MTUS1: variants seen among roughly 807,000 people sequenced by gnomAD.
MTUS1 encodes microtubule associated scaffold protein 1.
A neutral mutation model predicts 120.8 loss-of-function variants in MTUS1; 109 were observed. The ratio of observed to expected loss-of-function variants is 0.90; its 90% confidence interval spans 0.77 to 1.06. MTUS1 has a LOEUF of 1.06. MTUS1 is among the 50% of genes least tolerant of loss of function. The pLI, the probability that MTUS1 is intolerant of heterozygous loss-of-function variation, is 0.00. For synonymous variants in MTUS1, 737 were observed against 550.5 expected (o/e 1.34, Z -4.74); for missense variants, 2,210 against 1,486.3 (o/e 1.49, Z -8.01).
At chr8:17,760,752 A>G (rs1319368426) in intron 1 of MTUS1, among the ~76,000 whole-genome samples, 3 of 151,796 alleles carry the variant, frequency 2.0e-5, no homozygotes, top group African/African-American at 7.3e-5. Flanking sequence ...AAATATTTTG[A>G]TTAAACAAGA....
At chr8:17,742,758 G>T (rs2047436332) in intron 3 of MTUS1, among the ~76,000 whole-genome samples, 1 of 152,164 alleles carries the variant, frequency 6.6e-6, no homozygotes, top group South Asian at 2.1e-4. Flanking sequence ...ATACTAAATT[G>T]TAGAGAGGTA....
chr8:17,759,688 C>T (rs2048889426), intron 1 of MTUS1, among the ~76,000 whole-genome samples: 1 of 148,878 alleles, frequency 6.7e-6, no homozygotes, highest in African/African-American at 2.5e-5. Context: ...CTGAGTTTTG[C>T]TTTTAAGACT....
chr8:17,793,999 C>T (rs935015170), intron 1 of MTUS1, among the ~76,000 whole-genome samples: 1 of 152,020 alleles, frequency 6.6e-6, no homozygotes, highest in Admixed American at 6.6e-5. Flanking sequence ...GTGTTTGGCC[C>T]ATAGAAAGTG....
At chr8:17,787,714 T>G (rs1000504106) in intron 1 of MTUS1, among the ~76,000 whole-genome samples, 1 of 152,212 alleles carries the variant, frequency 6.6e-6, no homozygotes, top group Non-Finnish European at 1.5e-5. Flanking sequence ...TTTGGAAACT[T>G]TCTAATACAC....
chr8:17,753,936 T>C lies in MTUS1; in HGVS notation c.1872A>G (p.Ala624=), dbSNP rs771511304. 5.1e-5 allele frequency: 82 copies of C among 1,614,206 alleles called. No homozygotes were observed. The South Asian group carries it at 8.0e-4, about 16-fold the overall frequency. The change falls in exon 2 of 15, where the codon GCA becomes GCG. Residue 624 remains alanine, a synonymous_variant. Coordinates refer to ENST00000693296, the MANE Select transcript of MTUS1 (RefSeq NM_001363059.2). The part of the protein sequence containing the change: ...DVDKASSSNS[A]CETGSVSALF... ...ACGCAGAAACGGACCCGGTCTCGCATGCTGAGTTAGAAGAACTGGCTTTGT... is the reference window on the plus strand; with the variant it reads ...ACGCAGAAACGGACCCGGTCTCGCACGCTGAGTTAGAAGAACTGGCTTTGT...
intron 6 of MTUS1, among the ~76,000 whole-genome samples, chr8:17,693,489 G>C (rs537135202): frequency 2.8e-4 from 43 of 152,254 alleles, no homozygotes; most frequent in South Asian, 1.7e-3. Context: ...GCTTATTCTG[G>C]CCGGATCTCT....
At chr8:17,650,413 GTGTT>G (rs956982215) in intron 12 of MTUS1, among the ~76,000 whole-genome samples, 8 of 152,186 alleles carry the variant, frequency 5.3e-5, no homozygotes, top group Admixed American at 1.3e-4. Flanking sequence ...AATGTCCTGA[GTGTT>G]TGGATTTTTG....
intron 3 of MTUS1, among the ~76,000 whole-genome samples, chr8:17,735,619 C>A (rs923266708): frequency 2.0e-5 from 3 of 152,242 alleles, no homozygotes; most frequent in Non-Finnish European, 4.4e-5. Context: ...CCTCTGCTGG[C>A]AAGCTCCTGC....
chr8:17,685,392 C>G (rs1008488268), intron 6 of MTUS1, among the ~76,000 whole-genome samples: 1 of 151,448 alleles, frequency 6.6e-6, no homozygotes, highest in Non-Finnish European at 1.5e-5. Context: ...ATTGGAAAAA[C>G]AGGACATCAA....
rs1810239448 is a variant in MTUS1, at chr8:17,663,574, T to C, written c.2906-7509A>G. Among the ~76,000 whole-genome samples, 5 of 149,934 alleles carry C rather than the reference T, an allele frequency of 3.3e-5. No individual in the cohort carries two copies. In the South Asian group the frequency reaches 1.1e-3, roughly 32 times the overall value. On this transcript the variant is annotated intron_variant, in intron 8 of 14. Coordinates refer to ENST00000693296, the MANE Select transcript of MTUS1 (RefSeq NM_001363059.2). ...TCACTTGAGCAAATTACTTAAACTT[T>C]CTAAGCCTACTTTTTGTTTTGTTTT...
chr8:17,763,367 G>A (rs1379470433), intron 1 of MTUS1, among the ~76,000 whole-genome samples: 2 of 152,150 alleles, frequency 1.3e-5, no homozygotes, highest in Non-Finnish European at 2.9e-5. Context: ...CTGCTCTCAA[G>A]ACAGCTCATA....
At chr8:17,780,370 C>G (rs1045844470) in intron 1 of MTUS1, among the ~76,000 whole-genome samples, 10 of 152,190 alleles carry the variant, frequency 6.6e-5, no homozygotes, top group African/African-American at 2.4e-4. Flanking sequence ...TTTCTTTATA[C>G]ATTACCCAGC....
chr8:17,720,135 A>G (rs926341642), intron 4 of MTUS1, among the ~76,000 whole-genome samples: 2 of 152,156 alleles, frequency 1.3e-5, no homozygotes, highest in Non-Finnish European at 2.9e-5. Flanking sequence ...ACTTGTGGTT[A>G]GGAGTTCGAG....
At chr8:17,741,831 C>A (rs992461018) in intron 3 of MTUS1, among the ~76,000 whole-genome samples, 7 of 152,170 alleles carry the variant, frequency 4.6e-5, no homozygotes, top group Non-Finnish European at 7.3e-5. Context: ...AAGGTAAGGG[C>A]TGTAAAAGCT....
At chr8:17,651,835 T>A (rs1464167061) in intron 12 of MTUS1, 1 of 152,208 alleles carries the variant, frequency 6.6e-6, no homozygotes, top group Non-Finnish European at 1.5e-5. Context: ...TACCGGAAGC[T>A]CTTTCAAACC....
chr8:17,767,345 T>C lies in MTUS1; in HGVS notation c.-154-11384A>G, dbSNP rs184321601. Among the ~76,000 whole-genome samples the C allele has an allele frequency of 2.4e-3, 369 of 152,032 alleles. 1 individual carries two copies. The highest frequency in any genetic ancestry group is 8.6e-3 in the African/African-American group (355 of 41,440). On this transcript the variant is annotated intron_variant, in intron 1 of 14. Transcript: ENST00000693296. ...GGGCCAATTTTGATATATGAATGTATTGTTTTTCCATGTGGTGATTAAAGC... is the reference window on the plus strand; with the variant it reads ...GGGCCAATTTTGATATATGAATGTACTGTTTTTCCATGTGGTGATTAAAGC...
chr8:17,791,321 A>C (rs1042511519), intron 1 of MTUS1, among the ~76,000 whole-genome samples: 3 of 152,250 alleles, frequency 2.0e-5, no homozygotes, highest in Non-Finnish European at 4.4e-5. Flanking sequence ...ACTATGCTTA[A>C]AAGATGAAAA....
intron 1 of MTUS1, among the ~76,000 whole-genome samples, chr8:17,794,286 C>A (rs2052038607): frequency 6.6e-6 from 1 of 151,984 alleles, no homozygotes; most frequent in Non-Finnish European, 1.5e-5. Flanking sequence ...CAAGATCACG[C>A]CACTGCACTC....
intron 1 of MTUS1, among the ~76,000 whole-genome samples, chr8:17,775,918 T>G (rs1563372785): frequency 6.6e-6 from 1 of 152,188 alleles, no homozygotes; most frequent in East Asian, 1.9e-4. Flanking sequence ...GTGCTTAGGT[T>G]CCTACTGGGC....
Sources: gnomAD v4.1 joint callset for allele counts (sites outside exome capture counted in the v4.1 genomes callset) on GRCh38, gnomAD v4.1.1 for gene constraint, MANE v1.5 for transcripts, NCBI Gene and HGNC (gene_info 2026-07-23, HGNC 2026-07-21) for gene names.